Variants in DYNC1LI1 observed in about 807,000 individuals in gnomAD.
The protein encoded by DYNC1LI1 is dynein cytoplasmic 1 light intermediate chain 1.
DYNC1LI1 carries 19 observed loss-of-function variants against 63.8 expected under a neutral mutation model. The ratio of observed to expected loss-of-function variants is 0.30; its 90% CI spans 0.21 to 0.44. DYNC1LI1 has a LOEUF of 0.44. Ranked by LOEUF, DYNC1LI1 falls within the 20% of genes least tolerant of loss-of-function variation. DYNC1LI1 has a pLI of 1.00. For missense variants in DYNC1LI1, 565 were observed against 630.2 expected, an observed-to-expected ratio of 0.90 and a Z score of 1.11; for synonymous variants, 225 against 232.3, an observed-to-expected ratio of 0.97 and a Z score of 0.28.
At position 32,570,775 on chromosome 3, in the gene DYNC1LI1, G is replaced by A. The variant is rs1698339566; in HGVS notation, c.-5C>T. The A allele has an allele frequency of 1.9e-6, 3 of 1,600,066 alleles. No individual in the cohort carries two copies. Among genetic ancestry groups the A allele is most frequent in the Non-Finnish European group, 1.7e-6 (2 of 1,173,226 alleles). ...GACTCGCCCCACGGCCGCCATCTTGGTCGGGAATCACACCACTCCCGGCAA... is the reference window on the plus strand; with the variant it reads ...GACTCGCCCCACGGCCGCCATCTTGATCGGGAATCACACCACTCCCGGCAA... On this transcript the variant is annotated 5_prime_UTR_variant, in exon 1 of 13. Transcript: ENST00000273130.
chr3:32,552,540 T>C (rs1005279399), intron 2 of DYNC1LI1, among the ~76,000 whole-genome samples: 3 of 152,024 alleles, frequency 2.0e-5, no homozygotes, highest in Non-Finnish European at 4.4e-5. Flanking sequence ...ACTAAGATAC[T>C]ATGTATTTTA....
At chr3:32,553,529 C>T (rs1392274870) in intron 2 of DYNC1LI1, among the ~76,000 whole-genome samples, 2 of 152,046 alleles carry the variant, frequency 1.3e-5, no homozygotes, top group East Asian at 3.8e-4. Flanking sequence ...AAAACTAGGA[C>T]ACAAAAAGGA....
intron 5 of DYNC1LI1, among the ~76,000 whole-genome samples, chr3:32,538,069 A>T (rs1387574860): frequency 4.8e-4 from 37 of 76,582 alleles, no homozygotes; most frequent in African/African-American, 1.1e-3. Context: ...ATAATTTATT[A>T]TATATATATA....
chr3:32,537,937 A>T lies in DYNC1LI1; in HGVS notation c.739-833T>A, dbSNP rs1262469120. ...TAATTTATATATATAATATATATAT[A>T]ATATATATATAATTTATATATATAA... On this transcript the variant is annotated intron_variant, in intron 5 of 12. Coordinates refer to ENST00000273130, the MANE Select transcript of DYNC1LI1 (RefSeq NM_016141.4). 8.0e-3 allele frequency among the ~76,000 whole-genome samples: 111 copies of T among 13,882 alleles called. 10 individuals are homozygous for T. The highest frequency in any genetic ancestry group is 0.01 in the Non-Finnish European group (84 of 8,122). 9.1% of individuals were successfully genotyped at this position (13,882 alleles called of 152,430 possible). A position where few individuals can be genotyped will look rare whatever the true frequency, so the allele number is the denominator to read the frequency against.
At chr3:32,569,987 C>T (rs764304005) in intron 2 of DYNC1LI1, among the ~76,000 whole-genome samples, 3 of 152,222 alleles carry the variant, frequency 2.0e-5, no homozygotes, top group Middle Eastern at 3.2e-3. Flanking sequence ...TCGCAAAGAG[C>T]CTCCTGCTAC....
chr3:32,561,034 C>CAAAAAAAA (rs1553619588), intron 2 of DYNC1LI1, among the ~76,000 whole-genome samples: 6 of 51,916 alleles, frequency 1.2e-4, no homozygotes, highest in Non-Finnish European at 1.8e-4. Context: ...AAAAAAAAAA[C>CAAAAAAAA]AAACAAAAAA....
chr3:32,558,421 A>AAAAAG (rs1213080693), intron 2 of DYNC1LI1, among the ~76,000 whole-genome samples: 19 of 150,540 alleles, frequency 1.3e-4, no homozygotes, highest in South Asian at 6.3e-4. Flanking sequence ...AAAAAAAAAA[A>AAAAAG]AAAAGAAAAG....
chr3:32,547,764 A>G (rs1304661739), intron 2 of DYNC1LI1, among the ~76,000 whole-genome samples: 1 of 152,184 alleles, frequency 6.6e-6, no homozygotes, highest in Non-Finnish European at 1.5e-5. Flanking sequence ...ACAGTAAGAA[A>G]TCCAAAGGAA....
chr3:32,530,471 A>C lies in DYNC1LI1; in HGVS notation c.1130T>G (p.Met377Arg). ...GATATAATTTCATACCTGTAGCTTC[A>C]TAAGAAACACCTGATCATCTTCTGC... The part of the protein sequence containing the change: ...IMAEDDQVFL[M>R]KLQSLLAKQP... The change falls in exon 9 of 13, where the codon ATG becomes AGG. Residue 377 changes from methionine to arginine, a missense_variant. Physicochemically the swap from Met to Arg is moderately conservative, Grantham distance 91 (BLOSUM62 -1). Transcript: ENST00000273130. 2 of 1,613,500 alleles carry C rather than the reference A, an allele frequency of 1.2e-6. No individual in the cohort carries two copies. The highest frequency in any genetic ancestry group is 1.7e-6 in the Non-Finnish European group (2 of 1,179,844).
At chr3:32,570,242 T>A in intron 2 of DYNC1LI1, 104 bp downstream of exon 2, 1 of 940,424 alleles carries the variant, frequency 1.1e-6, no homozygotes, top group Non-Finnish European at 1.7e-6. Context: ...GGGGCGGGGC[T>A]GGGCCGGCTG....
At chr3:32,546,234 C>G (rs1339995574) in intron 2 of DYNC1LI1, among the ~76,000 whole-genome samples, 1 of 151,992 alleles carries the variant, frequency 6.6e-6, no homozygotes, top group African/African-American at 2.4e-5. Flanking sequence ...ATGGTGAAAC[C>G]CCGTCTCTAC....
chr3:32,533,214 C>T (rs190313298), intron 7 of DYNC1LI1, 117 bp from the exon 8 acceptor site: 59 of 1,369,844 alleles, frequency 4.3e-5, no homozygotes, highest in Middle Eastern at 2.7e-4. Flanking sequence ...TTATGGAAAA[C>T]GAATTAGCTT....
chr3:32,561,029 A>C (rs1238896101), intron 2 of DYNC1LI1, among the ~76,000 whole-genome samples: 16 of 130,054 alleles, frequency 1.2e-4, no homozygotes, highest in South Asian at 2.4e-4. Flanking sequence ...AAAAAAAAAA[A>C]AAAACAAACA....
intron 10 of DYNC1LI1, 109 bp from the exon 11 acceptor site, chr3:32,529,769 A>G: frequency 1.1e-6 from 1 of 928,072 alleles, no homozygotes; most frequent in Non-Finnish European, 1.6e-6. Flanking sequence ...TTCTACTGGT[A>G]CTTTTACACT....
At chr3:32,538,907 C>T (rs1697839823) in intron 5 of DYNC1LI1, among the ~76,000 whole-genome samples, 1 of 152,144 alleles carries the variant, frequency 6.6e-6, no homozygotes, top group African/African-American at 2.4e-5. Flanking sequence ...AACTGAAATA[C>T]ATCTGATAGT....
intron 1 of DYNC1LI1, 23 bp from the exon 2 acceptor site, chr3:32,570,442 G>A (rs768869807): frequency 1.3e-6 from 2 of 1,579,052 alleles, no homozygotes; most frequent in Non-Finnish European, 1.7e-6. Flanking sequence ...AAGGCGTACG[G>A]TGAGGCCGGA....
In DYNC1LI1 at chr3:32,541,243, C is replaced by T. The variant is rs11919477; in HGVS notation, c.569-37G>A. ...AGTAAACACAATTTAGAAATTGCTT[C>T]ATTTCAGCAGGTAACTTTTCTTGCC... On this transcript the variant is annotated intron_variant, in intron 4 of 12. Coordinates refer to ENST00000273130, the MANE Select transcript of DYNC1LI1 (RefSeq NM_016141.4). The T allele has an allele frequency of 9.2e-3, 12,930 of 1,401,922 alleles. 999 individuals carry two copies. In the African/African-American group the frequency reaches 0.16, roughly 18 times the overall value. The allele number at this position is 1,401,922 out of a possible 1,614,324, so 86.8% of individuals were successfully genotyped here.
At chr3:32,558,436 A>T (rs1418360710) in intron 2 of DYNC1LI1, among the ~76,000 whole-genome samples, 1 of 151,776 alleles carries the variant, frequency 6.6e-6, no homozygotes, top group East Asian at 1.9e-4. Flanking sequence ...GAAAAGAAAA[A>T]GAAAATCTCA....
At chr3:32,540,677 G>A (rs867194558) in intron 5 of DYNC1LI1, among the ~76,000 whole-genome samples, 13 of 124,752 alleles carry the variant, frequency 1.0e-4, no homozygotes, top group East Asian at 2.3e-4. Flanking sequence ...GCAAAACTCC[G>A]TCTCAAAAAA....
Sources: allele counts gnomAD v4.1 joint callset (sites outside exome capture counted in the v4.1 genomes callset), GRCh38; gene constraint gnomAD v4.1.1; transcripts MANE v1.5; gene names NCBI Gene and HGNC (gene_info 2026-07-23, HGNC 2026-07-21).